Variants in AFF1 observed in about 807,000 individuals in gnomAD.
AFF1 encodes AF4/FMR2 family member 1.
A neutral mutation model predicts 121.7 loss-of-function variants in AFF1; 48 were observed. The ratio of observed to expected loss-of-function variants is 0.39; its 90% CI spans 0.31 to 0.50. AFF1 has a LOEUF of 0.50. Among genes scored for constraint, AFF1 ranks in the 20% least tolerant of loss-of-function variants. The pLI is 0.76. For synonymous variants in AFF1, 613 were observed against 563.0 expected (o/e 1.09, Z -1.26); for missense variants, 1,523 against 1,511.7 (o/e 1.01, Z -0.12).
chr4:87,129,049 C>A (rs139032065), intron 16 of AFF1, among the ~76,000 whole-genome samples: 1 of 152,294 alleles, frequency 6.6e-6, no homozygotes, highest in East Asian at 1.9e-4. Flanking sequence ...TGTTTTTAAT[C>A]TATTCATATG....
At chr4:87,059,777 G>T (rs370765300) in intron 4 of AFF1, among the ~76,000 whole-genome samples, 8 of 152,124 alleles carry the variant, frequency 5.3e-5, no homozygotes, top group Admixed American at 2.6e-4. Flanking sequence ...TGTGCACCCC[G>T]CTGCCCAGGC....
chr4:87,119,468 A>G (rs1043389804), intron 12 of AFF1, among the ~76,000 whole-genome samples: 1 of 152,024 alleles, frequency 6.6e-6, no homozygotes, highest in African/African-American at 2.4e-5. Flanking sequence ...CTACTCGGGA[A>G]GCTGTGGTGG....
At chr4:87,004,369 T>TG (rs1224376941) in intron 2 of AFF1, among the ~76,000 whole-genome samples, 1 of 152,198 alleles carries the variant, frequency 6.6e-6, no homozygotes, top group Non-Finnish European at 1.5e-5. Context: ...TTTACTACAT[T>TG]AAAAATTAAA....
In AFF1 at chr4:87,131,817, C is replaced by G; in HGVS notation, c.3126C>G (p.Phe1042Leu). The G allele has an allele frequency of 1.3e-6, 2 of 1,596,642 alleles. No individual in the cohort carries two copies. The highest frequency in any genetic ancestry group is 1.7e-6 in the Non-Finnish European group (2 of 1,175,240). The change falls in exon 18 of 21, where the codon TTC becomes TTG. Residue 1042 changes from phenylalanine (F) to leucine (L), a missense_variant. This residue lies in a region of AFF1 where 241 missense variants were observed against 265.2 expected (regional missense o/e 0.91). Transcript: ENST00000395146. Reference protein sequence around the residue: ...LIKFIMSLKSFSDATAPTQEK... With the variant: ...LIKFIMSLKSLSDATAPTQEK... ...GATTCATAATGTCATTAAAATCCTT[C>G]TCAGATGCCACAGCGCCAACACAAG...
intron 2 of AFF1, among the ~76,000 whole-genome samples, chr4:86,955,829 C>T (rs1426298398): frequency 6.6e-6 from 1 of 152,078 alleles, no homozygotes; most frequent in Non-Finnish European, 1.5e-5. Flanking sequence ...TTTTGTTAAC[C>T]TTGCATCATA....
intron 2 of AFF1, chr4:87,007,503 G>C (rs1405992229): frequency 1.2e-5 from 19 of 1,583,868 alleles, no homozygotes; most frequent in Non-Finnish European, 1.6e-5. Flanking sequence ...GGCAGGGTGC[G>C]GGGAAGGAGA....
chr4:87,060,835 C>CAAAAAAAAAAAAAAAAAAAAAAAAA (rs749186199), intron 4 of AFF1, among the ~76,000 whole-genome samples: 3 of 62,302 alleles, frequency 4.8e-5, no homozygotes, highest in Non-Finnish European at 6.4e-5. Context: ...GACTCTGTCT[C>CAAAAAAAAAAAAAAAAAAAAAAAAA]AAAAAAAAAA....
At chr4:87,058,414 G>A (rs946554362) in intron 4 of AFF1, among the ~76,000 whole-genome samples, 4 of 152,056 alleles carry the variant, frequency 2.6e-5, no homozygotes, top group Admixed American at 1.3e-4. Flanking sequence ...TTTGGTCTTC[G>A]TGGCCATGTG....
chr4:87,071,682 T>C (rs1325253657), intron 4 of AFF1, among the ~76,000 whole-genome samples: 2 of 152,182 alleles, frequency 1.3e-5, no homozygotes, highest in African/African-American at 2.4e-5. Context: ...AGATATCATC[T>C]ACTTGTGCTG....
chr4:87,000,603 CTCTGTGTGTGTGTGTGTGTGTGTG>C (rs949140226), intron 2 of AFF1, among the ~76,000 whole-genome samples: 2 of 76,758 alleles, frequency 2.6e-5, no homozygotes, highest in Non-Finnish European at 5.2e-5. Context: ...AAAAAATAAA[CTCTGTGTGTGTGTGTGTGTGTGTG>C]TGTGTGTGTG....
chr4:87,127,356 T>C lies in AFF1; in HGVS notation c.2903+239T>C, dbSNP rs533732151. On this transcript the variant is annotated intron_variant, in intron 15 of 20. Coordinates refer to ENST00000395146, the MANE Select transcript of AFF1 (RefSeq NM_001166693.3). ...TTTTTGTATTTTTAGTAGAGACGGG[T>C]TTCATCATGTTGGTCAGGCTGGTCT... Among the ~76,000 whole-genome samples, 11 of 151,884 alleles carry C rather than the reference T, an allele frequency of 7.2e-5. No individual in the cohort carries two copies. The East Asian group carries it at 9.7e-4, about 13-fold the overall frequency.
intron 2 of AFF1, among the ~76,000 whole-genome samples, chr4:87,022,193 C>T (rs1007670909): frequency 2.2e-4 from 25 of 113,838 alleles, no homozygotes; most frequent in African/African-American, 7.4e-4. Flanking sequence ...CGTGACACAG[C>T]GAGACTCCAT....
At chr4:86,960,202 C>T (rs10022960) in intron 2 of AFF1, among the ~76,000 whole-genome samples, 143,396 of 152,166 alleles carry the variant, frequency 0.94, 68,017 homozygotes, top group Non-Finnish European at 1. Flanking sequence ...AAAGATCTTT[C>T]TTTAAGGTTA....
intron 2 of AFF1, among the ~76,000 whole-genome samples, chr4:86,968,395 C>T (rs1224165527): frequency 6.6e-6 from 1 of 152,046 alleles, no homozygotes; most frequent in African/African-American, 2.4e-5. Flanking sequence ...TAGTGATTTG[C>T]CTGCTTTTTG....
chr4:86,979,890 A>G (rs1723598903), intron 2 of AFF1, among the ~76,000 whole-genome samples: 1 of 152,200 alleles, frequency 6.6e-6, no homozygotes, highest in Non-Finnish European at 1.5e-5. Context: ...AGCCAGGCTC[A>G]CTTCTAGAAA....
At chr4:86,977,150 A>G (rs6855627) in intron 2 of AFF1, among the ~76,000 whole-genome samples, 5,922 of 152,202 alleles carry the variant, frequency 0.039, 195 homozygotes, top group African/African-American at 0.093. Flanking sequence ...GATACATTCT[A>G]AGACCCCCAG....
chr4:86,974,720 C>T (rs182089993), intron 2 of AFF1, among the ~76,000 whole-genome samples: 3 of 152,252 alleles, frequency 2.0e-5, no homozygotes, highest in Admixed American at 2.0e-4. Flanking sequence ...GTTGTGAAAT[C>T]ACAGGAAAAC....
rs773698577 is a variant in AFF1, at chr4:87,046,766, C to T, written c.231C>T (p.Phe77=). 56 of 1,613,984 alleles carry T rather than the reference C, an allele frequency of 3.5e-5. 1 individual carries two copies. In the South Asian group the frequency reaches 6.0e-4, roughly 17 times the overall value. The change falls in exon 4 of 21, where the codon TTC becomes TTT. Residue 77 remains phenylalanine, a synonymous_variant. Coordinates refer to ENST00000395146, the MANE Select transcript of AFF1 (RefSeq NM_001166693.3). ...GAAACTACGAAGAAGTGAAGGAGTT[C>T]CTTAGTACTAAGTCTCACACTCATC... ...MLGNYEEVKE[F]LSTKSHTHRL...
chr4:86,998,111 A>AAAAAC (rs1725370594), intron 2 of AFF1, among the ~76,000 whole-genome samples: 1 of 138,116 alleles, frequency 7.2e-6, no homozygotes, highest in Non-Finnish European at 1.5e-5. Context: ...AAAAAAAAAA[A>AAAAAC]AAAAAAAAAA....
Sources: allele counts gnomAD v4.1 joint callset (sites outside exome capture counted in the v4.1 genomes callset), GRCh38; gene constraint gnomAD v4.1.1; regional missense constraint gnomAD v4.1.1; transcripts MANE v1.5; gene names NCBI Gene and HGNC (gene_info 2026-07-23, HGNC 2026-07-21).